The following RBFOX1 variants were observed in gnomAD, a reference collection of about 807,000 sequenced individuals.
RBFOX1 encodes the protein RNA binding protein fox-1 homolog 1.
Under a neutral mutation model 57.7 loss-of-function variants are expected in RBFOX1, and 8 were observed. The ratio of observed to expected loss-of-function variants is 0.14; its 90% CI spans 0.08 to 0.25. The LOEUF (loss-of-function observed/expected upper bound fraction) is 0.25, where lower values mean the gene tolerates loss of function less well. RBFOX1 is among the 10% of genes least tolerant of loss of function. The probability of loss-of-function intolerance (pLI) is 1.00; values close to 1 mark genes in which losing one functional copy is unlikely to be tolerated. For synonymous variants in RBFOX1, 326 were observed against 222.4 expected (o/e 1.47, Z -4.15); for missense variants, 611 against 548.5 (o/e 1.11, Z -1.14).
At chr16:6,820,477 A>G (rs1018581181) in intron 3 of RBFOX1, among the ~76,000 whole-genome samples, 2 of 152,142 alleles carry the variant, frequency 1.3e-5, no homozygotes, top group African/African-American at 2.4e-5. Context: ...GGAAAGATAG[A>G]AAAACCGTCT....
At chr16:6,404,944 C>A (rs1037944458) in intron 2 of RBFOX1, among the ~76,000 whole-genome samples, 4 of 152,110 alleles carry the variant, frequency 2.6e-5, no homozygotes, top group Admixed American at 2.0e-4. Context: ...TAGACGGAAC[C>A]ACAAATGCCT....
At chr16:7,674,480 C>A (rs932732384) in intron 13 of RBFOX1, among the ~76,000 whole-genome samples, 1 of 152,290 alleles carries the variant, frequency 6.6e-6, no homozygotes, top group African/African-American at 2.4e-5. Context: ...GACCACTGAT[C>A]AAGGTTTAAA....
chr16:7,056,163 G>C (rs1304963691), intron 4 of RBFOX1, among the ~76,000 whole-genome samples: 3 of 152,112 alleles, frequency 2.0e-5, no homozygotes, highest in Admixed American at 6.6e-5. Context: ...CTGTCCATGA[G>C]CTTCCTGTCC....
intron 2 of RBFOX1, among the ~76,000 whole-genome samples, chr16:6,577,809 TA>T (rs1567748070): frequency 6.6e-6 from 1 of 152,168 alleles, no homozygotes; most frequent in Non-Finnish European, 1.5e-5. Flanking sequence ...GTATCCCTAC[TA>T]TGTGCTCAGG....
At chr16:6,263,686 C>T (rs1392680509) in intron 1 of RBFOX1, among the ~76,000 whole-genome samples, 1 of 152,008 alleles carries the variant, frequency 6.6e-6, no homozygotes, top group African/African-American at 2.4e-5. Context: ...GTAGTTGCTC[C>T]ATTTGTTTTT....
chr16:7,221,340 TTTGA>T (rs778346354), intron 4 of RBFOX1, among the ~76,000 whole-genome samples: 1,554 of 129,342 alleles, frequency 0.012, 24 homozygotes, highest in African/African-American at 0.033. Flanking sequence ...TTTATTTTTA[TTTGA>T]TTATTTATTT....
At chr16:6,287,808 C>G (rs1054063795) in intron 1 of RBFOX1, among the ~76,000 whole-genome samples, 1 of 152,100 alleles carries the variant, frequency 6.6e-6, no homozygotes, top group African/African-American at 2.4e-5. Flanking sequence ...TGTGGAGGAA[C>G]TCCAAAATTA....
intron 4 of RBFOX1, among the ~76,000 whole-genome samples, chr16:7,153,162 T>C (rs1385919496): frequency 2.6e-5 from 4 of 151,360 alleles, no homozygotes; most frequent in Admixed American, 6.6e-5. Flanking sequence ...CCTCCTGTTA[T>C]GAATCCGTCT....
At chr16:5,818,242 C>G (rs1037212174) in intron 3 of RBFOX1, among the ~76,000 whole-genome samples, 6 of 152,086 alleles carry the variant, frequency 3.9e-5, no homozygotes, top group African/African-American at 1.4e-4. Context: ...CATTGTGTAC[C>G]GTCATCAGTT....
chr16:5,536,583 AAT>A (rs2044707235), intron 2 of RBFOX1, among the ~76,000 whole-genome samples: 1 of 152,030 alleles, frequency 6.6e-6, no homozygotes, highest in East Asian at 1.9e-4. Context: ...TCACTGAGAC[AAT>A]GAGTGTTTCC....
chr16:6,105,812 T>C (rs780852396), intron 1 of RBFOX1, among the ~76,000 whole-genome samples: 1 of 152,260 alleles, frequency 6.6e-6, no homozygotes, highest in South Asian at 2.1e-4. Flanking sequence ...AGGCACTTAA[T>C]TGGGCTTAAG....
At chr16:5,782,337 G>A (rs1374149484) in intron 3 of RBFOX1, among the ~76,000 whole-genome samples, 2 of 152,164 alleles carry the variant, frequency 1.3e-5, no homozygotes, top group South Asian at 2.1e-4. Flanking sequence ...CAAGAATGTT[G>A]TGTCCTCCTA....
intron 3 of RBFOX1, among the ~76,000 whole-genome samples, chr16:6,819,096 TC>T (rs931962693): frequency 6.6e-6 from 1 of 152,160 alleles, no homozygotes; most frequent in Non-Finnish European, 1.5e-5. Flanking sequence ...ACCACAGACT[TC>T]CGGTTTCAGG....
At chr16:7,613,009 C>G (rs1434010479) in intron 10 of RBFOX1, among the ~76,000 whole-genome samples, 1 of 152,144 alleles carries the variant, frequency 6.6e-6, no homozygotes, top group Non-Finnish European at 1.5e-5. Flanking sequence ...TTAAATTACT[C>G]CATGAGACGT....
At chr16:6,988,735 TTTTTTTTGTTTG>T (rs1296440595) in intron 3 of RBFOX1, among the ~76,000 whole-genome samples, 3 of 73,678 alleles carry the variant, frequency 4.1e-5, no homozygotes, top group African/African-American at 2.7e-4. Flanking sequence ...CAGCTAATTT[TTTTTTTTGTTTG>T]TTTGTTTTTT....
chr16:6,874,953 C>G (rs915603222), intron 3 of RBFOX1, among the ~76,000 whole-genome samples: 5 of 152,098 alleles, frequency 3.3e-5, no homozygotes, highest in African/African-American at 9.7e-5. Context: ...AAATTAGAAA[C>G]CAAGAAGCTT....
intron 3 of RBFOX1, among the ~76,000 whole-genome samples, chr16:5,702,157 T>C (rs754087241): frequency 1.3e-5 from 2 of 152,184 alleles, no homozygotes; most frequent in Non-Finnish European, 2.9e-5. Context: ...GGGTAATTTA[T>C]GAAGAAAAGA....
rs561587267 is a variant in RBFOX1, at chr16:6,162,712, G to T, written c.-127+142720G>T. On this transcript the variant is annotated intron_variant, in intron 1 of 15. Coordinates refer to ENST00000550418, the MANE Select transcript of RBFOX1 (RefSeq NM_018723.4). ...GGTAAACCACACATGGAGGGGAATG[G>T]GCATACAATGTGCTTTTGCCTTTGT... Among the ~76,000 whole-genome samples the T allele has an allele frequency of 5.9e-5, 9 of 152,148 alleles. No homozygotes were observed. The South Asian group carries it at 1.9e-3, about 32-fold the overall frequency.
intron 5 of RBFOX1, among the ~76,000 whole-genome samples, chr16:7,519,937 G>A (rs2077170439): frequency 1.3e-5 from 2 of 152,124 alleles, no homozygotes; most frequent in South Asian, 2.1e-4. Context: ...CCAGGCTGGA[G>A]TGCGGTGGCG....
Sources: gnomAD v4.1 joint callset for allele counts (sites outside exome capture counted in the v4.1 genomes callset) on GRCh38, gnomAD v4.1.1 for gene constraint, MANE v1.5 for transcripts, NCBI Gene and HGNC (gene_info 2026-07-23, HGNC 2026-07-21) for gene names.